The following GLI3 variants were observed in gnomAD, a reference collection of about 807,000 sequenced individuals.
The protein encoded by GLI3 is GLI family zinc finger 3.
In GLI3, 20 loss-of-function variants were observed where a neutral mutation model predicts 100.8. That is an observed-to-expected ratio of 0.20 (90% CI 0.14 to 0.29). The LOEUF (loss-of-function observed/expected upper bound fraction) is 0.29. Ranked by LOEUF, GLI3 falls within the 10% of genes least tolerant of loss-of-function variation. The pLI is 1.00. For synonymous variants in GLI3, 938 were observed against 860.5 expected (o/e 1.09, Z -1.58); for missense variants, 2,040 against 2,128.5 (o/e 0.96, Z 0.82).
intron 1 of GLI3, among the ~76,000 whole-genome samples, chr7:42,243,261 AC>A (rs1788942738): frequency 1.3e-5 from 2 of 152,164 alleles, no homozygotes; most frequent in African/African-American, 4.8e-5. Flanking sequence ...TGGTTTCTAT[AC>A]CTTTGTTACT....
chr7:42,121,038 C>T (rs1008023890), intron 3 of GLI3, among the ~76,000 whole-genome samples: 1 of 152,204 alleles, frequency 6.6e-6, no homozygotes, highest in Non-Finnish European at 1.5e-5. Flanking sequence ...CATCTAAATT[C>T]CTGTGCCATC....
At chr7:42,152,883 T>C (rs1395244543) in intron 2 of GLI3, among the ~76,000 whole-genome samples, 1 of 152,098 alleles carries the variant, frequency 6.6e-6, no homozygotes, top group African/African-American at 2.4e-5. Flanking sequence ...GGGGTGAGCT[T>C]TTTTCTTTGC....
upstream of GLI3, among the ~76,000 whole-genome samples, chr7:42,240,617 T>C (rs559473072): frequency 6.6e-6 from 1 of 152,332 alleles, no homozygotes; most frequent in Non-Finnish European, 1.5e-5. Flanking sequence ...CCTTTGTCTC[T>C]GGCTTCTCTT....
At chr7:42,242,935 G>GA (rs2128709213) in intron 1 of GLI3, among the ~76,000 whole-genome samples, 1 of 152,302 alleles carries the variant, frequency 6.6e-6, no homozygotes, top group South Asian at 2.1e-4. Flanking sequence ...ATATTTCAAG[G>GA]AAAGACAAGA....
At chr7:42,232,555 CTT>C (rs1219440298) in intron 1 of GLI3, among the ~76,000 whole-genome samples, 2 of 152,220 alleles carry the variant, frequency 1.3e-5, no homozygotes, top group Non-Finnish European at 2.9e-5. Flanking sequence ...GACAAATGGG[CTT>C]TCACAATTTC....
intron 4 of GLI3, among the ~76,000 whole-genome samples, chr7:42,063,854 C>A (rs1784621168): frequency 6.6e-6 from 1 of 152,134 alleles, no homozygotes; most frequent in African/African-American, 2.4e-5. Context: ...GAATTCAAAC[C>A]CAGTCTATGC....
chr7:42,255,192 G>T (rs1789073172), intron 1 of GLI3, among the ~76,000 whole-genome samples: 1 of 151,052 alleles, frequency 6.6e-6, no homozygotes. Flanking sequence ...CAAAATTATG[G>T]TCTTCTTTCA....
At chr7:42,199,693 T>C (rs1003093400) in intron 2 of GLI3, among the ~76,000 whole-genome samples, 1 of 152,204 alleles carries the variant, frequency 6.6e-6, no homozygotes, top group African/African-American at 2.4e-5. Flanking sequence ...AGGAGCCATG[T>C]CCTATCGGAT....
intron 4 of GLI3, among the ~76,000 whole-genome samples, chr7:42,057,872 G>A (rs1288043252): frequency 1.3e-5 from 2 of 152,072 alleles, no homozygotes; most frequent in African/African-American, 4.8e-5. Flanking sequence ...TTTAGAGACT[G>A]AAAGGCAGCA....
rs189771235 is a variant in GLI3, at chr7:42,015,095, A to T, written c.1497+8373T>A. 1.8e-3 allele frequency among the ~76,000 whole-genome samples: 271 copies of T among 152,322 alleles called. 1 individual carries two copies. The highest frequency in any genetic ancestry group is 6.4e-3 in the African/African-American group (264 of 41,574). On this transcript the variant is annotated intron_variant, in intron 10 of 14. Transcript: ENST00000395925. ...TATCCTCATAAACAAAAAACAAATT[A>T]AAAAACCCAGTGAAGAACCTAGAAT...
At chr7:42,197,041 G>A (rs80153642) in intron 2 of GLI3, among the ~76,000 whole-genome samples, 3,021 of 152,226 alleles carry the variant, frequency 0.02, 73 homozygotes, top group Middle Eastern at 0.092. Flanking sequence ...GGAAACTGAG[G>A]CCTACAATGT....
At chr7:42,183,733 T>C (rs1787663782) in intron 2 of GLI3, among the ~76,000 whole-genome samples, 2 of 152,224 alleles carry the variant, frequency 1.3e-5, no homozygotes, top group African/African-American at 4.8e-5. Flanking sequence ...TGAGTCATCT[T>C]GGATTCCTCT....
At chr7:42,106,304 T>TCAGAACTGTGCTGTCCCC (rs1423130821) in intron 3 of GLI3, among the ~76,000 whole-genome samples, 1 of 152,184 alleles carries the variant, frequency 6.6e-6, no homozygotes, top group Non-Finnish European at 1.5e-5. Context: ...CACCTGGCCC[T>TCAGAACTGTGCTGTCCCC]CAGAACTGTG....
At chr7:41,986,843 T>A (rs1459227554) in intron 10 of GLI3, among the ~76,000 whole-genome samples, 2 of 150,840 alleles carry the variant, frequency 1.3e-5, no homozygotes. Flanking sequence ...AATAAAGATA[T>A]TACCCCCCAC....
intron 1 of GLI3, among the ~76,000 whole-genome samples, chr7:42,249,130 C>T (rs1789005594): frequency 6.6e-6 from 1 of 152,168 alleles, no homozygotes; most frequent in Non-Finnish European, 1.5e-5. Context: ...CAATCACAGA[C>T]TCTCAAAAAC....
intron 10 of GLI3, among the ~76,000 whole-genome samples, chr7:42,011,541 T>C (rs567736199): frequency 9.5e-4 from 145 of 152,202 alleles, no homozygotes; most frequent in Middle Eastern, 3.4e-3. Flanking sequence ...CAAAGTGTGG[T>C]ATAGCCAGCC....
At position 41,966,855 on chromosome 7, in the gene GLI3, A is replaced by T. The variant is rs1429866782; in HGVS notation, c.2432-214T>A. 2.0e-5 allele frequency among the ~76,000 whole-genome samples: 3 copies of T among 152,030 alleles called. No individual in the cohort carries two copies. ...AGCAAGCAAGCGTGGCGGGGTGTCC[A>T]TGAAGCTTCCTTTACAAAAACAGGG... On this transcript the variant is annotated intron_variant, in intron 14 of 14. Transcript: ENST00000395925. The surrounding 1 kb of genome is among the most constrained non-coding windows in gnomAD (Gnocchi z 5.8).
chr7:42,201,226 C>T (rs1438745062), intron 2 of GLI3, among the ~76,000 whole-genome samples: 1 of 152,158 alleles, frequency 6.6e-6, no homozygotes, highest in Non-Finnish European at 1.5e-5. Context: ...CTCTCTGTCT[C>T]TTTCTGAAAA....
chr7:42,250,584 C>T (rs1789020642), intron 1 of GLI3, among the ~76,000 whole-genome samples: 1 of 152,156 alleles, frequency 6.6e-6, no homozygotes, highest in African/African-American at 2.4e-5. Context: ...AGAGCCATGT[C>T]CCCCATGACC....
Sources: gnomAD v4.1 joint callset for allele counts (sites outside exome capture counted in the v4.1 genomes callset) on GRCh38, gnomAD v4.1.1 for gene constraint, Gnocchi (gnomAD v3.1) non-coding constraint, MANE v1.5 for transcripts, NCBI Gene and HGNC (gene_info 2026-07-23, HGNC 2026-07-21) for gene names.